The following TENT5D variants were observed in gnomAD, a reference collection of about 807,000 sequenced individuals.
The protein encoded by TENT5D is cancer/testis antigen 112.
For synonymous variants in TENT5D, 103 were observed against 100.6 expected (o/e 1.02, Z -0.15); for missense variants, 191 against 287.0 (o/e 0.67, Z 2.42).
chrX:80,338,492 A>T (rs1929895810), intron 2 of TENT5D, among the ~76,000 whole-genome samples: 2 of 112,315 alleles, frequency 1.8e-5, no homozygotes, highest in African/African-American at 3.2e-5. Context: ...TTCCTCTGTA[A>T]ATTGAGTAAT....
intron 1 of TENT5D, among the ~76,000 whole-genome samples, chrX:80,429,716 A>T (rs1932049779): frequency 9.0e-6 from 1 of 111,152 alleles, no homozygotes; most frequent in Non-Finnish European, 1.9e-5. Flanking sequence ...TAAAAGACCA[A>T]GGAGGCTGTC....
chrX:80,373,407 C>A (rs1930665588), intron 3 of TENT5D, among the ~76,000 whole-genome samples: 1 of 110,899 alleles, frequency 9.0e-6, no homozygotes, highest in African/African-American at 3.3e-5. Flanking sequence ...ATTCACTAAG[C>A]TTAATTGTTT....
In TENT5D at chrX:80,407,360, C is replaced by G. The variant is rs1931524111; in HGVS notation, c.-141-31250C>G. Reference sequence around the variant, plus strand: ...TGTGCTGTATTCAGGAAACCCATCTCATGGGCAGAGACACACATAGGCTCA... The same window carrying G: ...TGTGCTGTATTCAGGAAACCCATCTGATGGGCAGAGACACACATAGGCTCA... On this transcript the variant is annotated intron_variant, in intron 3 of 4. Coordinates refer to the TENT5D transcript ENST00000538312. Among the ~76,000 whole-genome samples the G allele has an allele frequency of 2.7e-5, 3 of 110,749 alleles. No individual in the cohort carries two copies. In the Admixed American group the frequency reaches 2.9e-4, roughly 11 times the overall value.
chrX:80,365,638 C>T (rs1213273121), intron 3 of TENT5D, among the ~76,000 whole-genome samples: 1 of 110,264 alleles, frequency 9.1e-6, no homozygotes, highest in Non-Finnish European at 1.9e-5. Flanking sequence ...GTCAGGAGTT[C>T]GAGACCAGCC....
chrX:80,380,886 C>T (rs190255331), intron 3 of TENT5D, among the ~76,000 whole-genome samples: 177 of 111,539 alleles, frequency 1.6e-3, no homozygotes, highest in African/African-American at 5.4e-3. Context: ...GAATACAGCA[C>T]ACTGATGGGT....
intron 3 of TENT5D, among the ~76,000 whole-genome samples, chrX:80,362,452 C>T (rs748455045): frequency 3.6e-5 from 4 of 112,334 alleles, no homozygotes; most frequent in South Asian, 7.4e-4. Flanking sequence ...CATGAGCCAC[C>T]GTGCCCGGCT....
chrX:80,441,783 G>A (rs1932286940), intron 2 of TENT5D, among the ~76,000 whole-genome samples: 1 of 110,742 alleles, frequency 9.0e-6, no homozygotes, highest in Admixed American at 9.7e-5. Context: ...TAAAGCTTAG[G>A]AATCTTATGA....
chrX:80,421,240 C>T (rs1314499320), intron 1 of TENT5D, among the ~76,000 whole-genome samples: 1 of 111,608 alleles, frequency 9.0e-6, no homozygotes, highest in Non-Finnish European at 1.9e-5. Context: ...GGCTAGAGTG[C>T]AGTGGCATGA....
At chrX:80,343,391 C>CTT (rs775221687) in intron 3 of TENT5D, among the ~76,000 whole-genome samples, 5 of 83,338 alleles carry the variant, frequency 6.0e-5, no homozygotes, top group African/African-American at 1.8e-4. Context: ...CATTTTATTT[C>CTT]TTTTTTTTTT....
At chrX:80,353,138 C>T (rs949109125) in intron 3 of TENT5D, among the ~76,000 whole-genome samples, 1 of 112,054 alleles carries the variant, frequency 8.9e-6, no homozygotes, top group Admixed American at 9.4e-5. Flanking sequence ...TGCCAGCAGC[C>T]CTTGTTTACT....
At chrX:80,384,838 G>A (rs1342640409) in intron 3 of TENT5D, among the ~76,000 whole-genome samples, 1 of 109,074 alleles carries the variant, frequency 9.2e-6, no homozygotes, top group Non-Finnish European at 1.9e-5. Context: ...GCTTCAAAGA[G>A]AATAAAATAG....
intron 3 of TENT5D, among the ~76,000 whole-genome samples, chrX:80,381,727 C>A (rs1319391003): frequency 8.9e-6 from 1 of 111,936 alleles, no homozygotes; most frequent in Admixed American, 9.5e-5. Context: ...ATCACTGATA[C>A]CCTTTCTTCC....
At chrX:80,415,513 A>G (rs1283810303), upstream of TENT5D, among the ~76,000 whole-genome samples, 1 of 111,837 alleles carries the variant, frequency 8.9e-6, no homozygotes, top group Non-Finnish European at 1.9e-5. Context: ...ACATAAATGG[A>G]TGTTAAATTT....
intron 2 of TENT5D, among the ~76,000 whole-genome samples, chrX:80,440,042 T>G: frequency 9.0e-6 from 1 of 111,323 alleles, no homozygotes; most frequent in East Asian, 2.8e-4. Flanking sequence ...TTTAGACAAT[T>G]GAATAATGTG....
intron 3 of TENT5D, among the ~76,000 whole-genome samples, chrX:80,385,709 C>G (rs1930981310): frequency 8.9e-6 from 1 of 111,954 alleles, no homozygotes; most frequent in South Asian, 3.7e-4. Flanking sequence ...CTACAAAGAA[C>G]TTAAACAAAT....
exon 3 of TENT5D, chrX:80,442,648 G>A (rs1932308263): frequency 8.3e-7 from 1 of 1,210,460 alleles, no homozygotes; most frequent in Non-Finnish European, 1.1e-6. Flanking sequence ...CCCCACAATG[G>A]AGGTAAAACC....
chrX:80,399,425 T>C (rs1210622063), intron 3 of TENT5D, among the ~76,000 whole-genome samples: 4 of 112,311 alleles, frequency 3.6e-5, no homozygotes, highest in Non-Finnish European at 5.6e-5. Flanking sequence ...ACTATAGATA[T>C]GTGGATTTAT....
intron 3 of TENT5D, among the ~76,000 whole-genome samples, chrX:80,354,231 G>A (rs769433329): frequency 9.0e-5 from 10 of 111,325 alleles, no homozygotes; most frequent in Non-Finnish European, 1.5e-4. Context: ...CTTTAAATTT[G>A]CATGTTGATC....
chrX:80,394,204 C>G (rs1019393058), intron 3 of TENT5D, among the ~76,000 whole-genome samples: 3 of 110,922 alleles, frequency 2.7e-5, no homozygotes, highest in Non-Finnish European at 5.7e-5. Context: ...TTCTCCATAT[C>G]CTCACCAACA....
Sources: allele counts gnomAD v4.1 joint callset (sites outside exome capture counted in the v4.1 genomes callset), GRCh38; gene constraint gnomAD v4.1.1; transcripts MANE v1.5; gene names NCBI Gene and HGNC (gene_info 2026-07-23, HGNC 2026-07-21).